The following CNTN6 variants were observed in gnomAD, a reference collection of about 807,000 sequenced individuals.
CNTN6 encodes contactin 6, also known as contactin-6.
In CNTN6, 137 loss-of-function variants were observed where a neutral mutation model predicts 122.8. That is an observed-to-expected ratio of 1.12 (90% confidence interval 0.97 to 1.29). The LOEUF is 1.29. Ranked by LOEUF, CNTN6 falls within the 50% of genes most tolerant of loss-of-function variation. The pLI, the probability that CNTN6 is intolerant of heterozygous loss-of-function variation, is 0.00. For synonymous variants in CNTN6, 570 were observed against 426.0 expected, an observed-to-expected ratio of 1.34 and a Z score of -4.16; for missense variants, 1,634 against 1,223.4, an observed-to-expected ratio of 1.34 and a Z score of -5.01.
intron 5 of CNTN6, among the ~76,000 whole-genome samples, chr3:1,288,730 T>G (rs1489429753): frequency 6.6e-6 from 1 of 152,268 alleles, no homozygotes; most frequent in Non-Finnish European, 1.5e-5. Context: ...TAATAAAAAT[T>G]ACATGCTATA....
At chr3:1,316,037 A>G (rs1160762345) in intron 7 of CNTN6, among the ~76,000 whole-genome samples, 1 of 152,036 alleles carries the variant, frequency 6.6e-6, no homozygotes, top group Non-Finnish European at 1.5e-5. Flanking sequence ...GATAGTAATC[A>G]CATTATAATA....
At chr3:1,352,526 C>A in intron 12 of CNTN6, 75 bp downstream of exon 12, 1 of 1,528,354 alleles carries the variant, frequency 6.5e-7, no homozygotes, top group Non-Finnish European at 9.0e-7. Context: ...GTTATGGTGT[C>A]AAACCTGTAC....
intron 5 of CNTN6, among the ~76,000 whole-genome samples, chr3:1,293,188 C>T (rs13318250): frequency 0.017 from 2,586 of 152,184 alleles, 82 homozygotes; most frequent in African/African-American, 0.059. Flanking sequence ...AATTATTTTG[C>T]TCCTCCCCAC....
At chr3:1,327,782 A>G (rs1701746428) in intron 10 of CNTN6, among the ~76,000 whole-genome samples, 196 bp downstream of exon 10, 1 of 151,812 alleles carries the variant, frequency 6.6e-6, no homozygotes, top group Non-Finnish European at 1.5e-5. Flanking sequence ...GGGGCTTCAG[A>G]AAAAAACCCA....
intron 21 of CNTN6, 123 bp downstream of exon 21, chr3:1,401,668 T>G: frequency 1.6e-6 from 1 of 645,100 alleles, no homozygotes; most frequent in East Asian, 2.9e-5. Flanking sequence ...CAAAATTATT[T>G]TGAAAATACC....
At chr3:1,390,212 C>CT (rs1560015996) in intron 20 of CNTN6, among the ~76,000 whole-genome samples, 1 of 152,084 alleles carries the variant, frequency 6.6e-6, no homozygotes, top group African/African-American at 2.4e-5. Context: ...CAAACTATCT[C>CT]TCAGGCCACA....
At chr3:1,194,801 A>G (rs536775084) in intron 2 of CNTN6, among the ~76,000 whole-genome samples, 2 of 152,246 alleles carry the variant, frequency 1.3e-5, no homozygotes, top group African/African-American at 4.8e-5. Flanking sequence ...TCCATTGAGA[A>G]CATGTATCTT....
chr3:1,292,858 A>T (rs531519816), intron 5 of CNTN6, among the ~76,000 whole-genome samples: 1 of 152,168 alleles, frequency 6.6e-6, no homozygotes, highest in Admixed American at 6.5e-5. Flanking sequence ...AAACCACTGT[A>T]TACATCTCCA....
chr3:1,109,737 T>A (rs192226929), intron 1 of CNTN6, among the ~76,000 whole-genome samples: 14 of 152,184 alleles, frequency 9.2e-5, no homozygotes, highest in Non-Finnish European at 5.9e-5. Context: ...TCTTCTGAGA[T>A]CCATCTGAAC....
At chr3:1,319,357 G>T (rs150444545) in intron 7 of CNTN6, among the ~76,000 whole-genome samples, 205 of 151,666 alleles carry the variant, frequency 1.4e-3, no homozygotes, top group Non-Finnish European at 2.0e-3. Flanking sequence ...CTTTAGAAAA[G>T]TAAGTGAAAT....
chr3:1,344,027 A>G (rs1450389526), intron 11 of CNTN6, among the ~76,000 whole-genome samples: 1 of 152,194 alleles, frequency 6.6e-6, no homozygotes, highest in African/African-American at 2.4e-5. Flanking sequence ...TCAGTAGAAA[A>G]AACACTGACT....
At chr3:1,102,967 C>T (rs563666806) in intron 1 of CNTN6, among the ~76,000 whole-genome samples, 16 of 148,482 alleles carry the variant, frequency 1.1e-4, no homozygotes, top group South Asian at 4.2e-4. Flanking sequence ...ATTAGCCGGG[C>T]GTGGTGGCGG....
At chr3:1,362,266 G>T (rs145508038) in intron 12 of CNTN6, among the ~76,000 whole-genome samples, 1 of 152,060 alleles carries the variant, frequency 6.6e-6, no homozygotes, top group African/African-American at 2.4e-5. Context: ...ACAACGTCTA[G>T]CATTCAATAA....
intron 1 of CNTN6, among the ~76,000 whole-genome samples, chr3:1,132,143 A>G (rs533749222): frequency 1.3e-5 from 2 of 152,124 alleles, no homozygotes; most frequent in South Asian, 2.1e-4. Flanking sequence ...TGGGCCTGAC[A>G]CTTCTAAAAT....
chr3:1,222,306 G>T (rs1045583267), intron 3 of CNTN6, among the ~76,000 whole-genome samples: 10 of 152,078 alleles, frequency 6.6e-5, no homozygotes, highest in African/African-American at 2.2e-4. Context: ...TTAAATATAT[G>T]AAAATTTGAT....
intron 1 of CNTN6, among the ~76,000 whole-genome samples, chr3:1,132,313 G>A (rs2092356581): frequency 6.6e-6 from 1 of 152,100 alleles, no homozygotes; most frequent in South Asian, 2.1e-4. Context: ...GGGAGGTCAA[G>A]TTTATGCCAT....
chr3:1,094,913 A>G (rs968720863), intron 1 of CNTN6, among the ~76,000 whole-genome samples: 1 of 152,110 alleles, frequency 6.6e-6, no homozygotes, highest in Non-Finnish European at 1.5e-5. Flanking sequence ...CAGAAGTATA[A>G]GTTCTACCTA....
intron 5 of CNTN6, among the ~76,000 whole-genome samples, chr3:1,288,240 C>T (rs1694691107): frequency 6.6e-6 from 1 of 152,150 alleles, no homozygotes; most frequent in Non-Finnish European, 1.5e-5. Flanking sequence ...TGATTCCAAA[C>T]AGTAGATGTG....
At chr3:1,154,723 G>A (rs777184135) in intron 2 of CNTN6, among the ~76,000 whole-genome samples, 35 of 152,248 alleles carry the variant, frequency 2.3e-4, no homozygotes, top group Middle Eastern at 3.4e-3. Context: ...GATTACAGGC[G>A]TGAGCCACCG....
Sources: gnomAD v4.1 joint callset for allele counts (sites outside exome capture counted in the v4.1 genomes callset) on GRCh38, gnomAD v4.1.1 for gene constraint, MANE v1.5 for transcripts, NCBI Gene and HGNC (gene_info 2026-07-23, HGNC 2026-07-21) for gene names.